The following DLGAP1 variants were observed in gnomAD, a reference collection of about 807,000 sequenced individuals.
DLGAP1 encodes DLG associated protein 1, also known as disks large-associated protein 1.
Under a neutral mutation model 90.8 loss-of-function variants are expected in DLGAP1, and 11 were observed. That is an observed-to-expected ratio of 0.12 (90% CI 0.08 to 0.20). The LOEUF is 0.20. Ranked by LOEUF, DLGAP1 falls within the 10% of genes least tolerant of loss-of-function variation. DLGAP1 has a pLI of 1.00. For synonymous variants in DLGAP1, 558 were observed against 540.7 expected (o/e 1.03, Z -0.44); for missense variants, 1,050 against 1,333.8 (o/e 0.79, Z 3.31).
intron 4 of DLGAP1, among the ~76,000 whole-genome samples, chr18:3,862,120 C>A (rs2148744171): frequency 6.6e-6 from 1 of 152,310 alleles, no homozygotes; most frequent in East Asian, 1.9e-4. Context: ...ATGGACACTC[C>A]AAGGGCCTTT....
intron 5 of DLGAP1, among the ~76,000 whole-genome samples, chr18:3,784,002 G>C (rs1478602535): frequency 6.6e-6 from 1 of 152,100 alleles, no homozygotes. Context: ...CTGGCCCCTG[G>C]CTGGTGGGCT....
chr18:4,250,829 C>A (rs1292440990), intron 1 of DLGAP1, among the ~76,000 whole-genome samples: 1 of 151,786 alleles, frequency 6.6e-6, no homozygotes, highest in African/African-American at 2.4e-5. Flanking sequence ...CAAAAGCAGA[C>A]CTACATGAAG....
chr18:3,601,378 G>T (rs2057014549), intron 7 of DLGAP1, among the ~76,000 whole-genome samples: 1 of 151,920 alleles, frequency 6.6e-6, no homozygotes, highest in Non-Finnish European at 1.5e-5. Flanking sequence ...GAGCCACTGC[G>T]CCTGGCCCAG....
At chr18:3,867,638 G>A (rs1205321630) in intron 4 of DLGAP1, among the ~76,000 whole-genome samples, 1 of 152,166 alleles carries the variant, frequency 6.6e-6, no homozygotes, top group Non-Finnish European at 1.5e-5. Flanking sequence ...GACCATGGGT[G>A]GGGCCTCGTA....
chr18:3,942,336 T>C (rs1286490054), intron 3 of DLGAP1, among the ~76,000 whole-genome samples: 1 of 152,180 alleles, frequency 6.6e-6, no homozygotes, highest in Admixed American at 6.5e-5. Context: ...TCTAAGTTGT[T>C]GAAACTAAAA....
At chr18:3,615,877 T>C (rs886162517) in intron 7 of DLGAP1, among the ~76,000 whole-genome samples, 1 of 152,076 alleles carries the variant, frequency 6.6e-6, no homozygotes, top group Admixed American at 6.5e-5. Context: ...TTTGCAAACA[T>C]TTCTTCCCTC....
intron 4 of DLGAP1, among the ~76,000 whole-genome samples, chr18:3,851,349 G>A (rs2069330516): frequency 6.6e-6 from 1 of 152,166 alleles, no homozygotes. Flanking sequence ...CAGGCAGCCT[G>A]TGAAGTGATC....
intron 1 of DLGAP1, among the ~76,000 whole-genome samples, chr18:4,241,437 TATG>T (rs1403134773): frequency 6.6e-6 from 1 of 152,190 alleles, no homozygotes; most frequent in African/African-American, 2.4e-5. Flanking sequence ...TCCTGTCAGT[TATG>T]ATAATGAAAT....
At chr18:3,813,987 G>C in intron 5 of DLGAP1, 72 bp downstream of exon 5, 1 of 1,474,714 alleles carries the variant, frequency 6.8e-7, no homozygotes, top group Non-Finnish European at 9.5e-7. Flanking sequence ...TACTCTAGGA[G>C]ACACACCATC....
At chr18:4,411,354 A>G (rs2082773264) in intron 1 of DLGAP1, among the ~76,000 whole-genome samples, 1 of 152,190 alleles carries the variant, frequency 6.6e-6, no homozygotes, top group African/African-American at 2.4e-5. Context: ...TAATGGCAGA[A>G]AATACACTGG....
intron 2 of DLGAP1, among the ~76,000 whole-genome samples, chr18:4,150,493 C>A (rs983493959): frequency 6.6e-6 from 1 of 152,100 alleles, no homozygotes; most frequent in Admixed American, 6.5e-5. Flanking sequence ...CAGGTTCAAG[C>A]GATTCTCCTG....
chr18:3,726,846 G>A (rs2062201375), intron 7 of DLGAP1, among the ~76,000 whole-genome samples: 1 of 152,152 alleles, frequency 6.6e-6, no homozygotes, highest in Non-Finnish European at 1.5e-5. Context: ...AGAGTTGAAG[G>A]TGGAGGTGGC....
At chr18:3,781,909 G>T (rs1225050131) in intron 5 of DLGAP1, among the ~76,000 whole-genome samples, 1 of 152,044 alleles carries the variant, frequency 6.6e-6, no homozygotes, top group African/African-American at 2.4e-5. Flanking sequence ...TAGGTACAAG[G>T]TACACACCGC....
chr18:4,054,799 A>G (rs1178372772), intron 2 of DLGAP1, among the ~76,000 whole-genome samples: 2 of 152,186 alleles, frequency 1.3e-5, no homozygotes, highest in Non-Finnish European at 2.9e-5. Context: ...CTTTAATTAC[A>G]TATTACTCAC....
chr18:4,394,135 G>T (rs2082393429), intron 1 of DLGAP1, among the ~76,000 whole-genome samples: 1 of 151,938 alleles, frequency 6.6e-6, no homozygotes, highest in African/African-American at 2.4e-5. Flanking sequence ...AACATAATAA[G>T]GTGACAAGAA....
chr18:4,122,193 C>CT (rs1333369269), intron 2 of DLGAP1, among the ~76,000 whole-genome samples: 1 of 152,144 alleles, frequency 6.6e-6, no homozygotes, highest in African/African-American at 2.4e-5. Flanking sequence ...ACAACCTTTG[C>CT]TTTCAGTGTA....
chr18:4,084,338 T>C lies in DLGAP1; in HGVS notation c.-159+66842A>G, dbSNP rs1353723914. On this transcript the variant is annotated intron_variant, in intron 2 of 12. Coordinates refer to ENST00000315677, the MANE Select transcript of DLGAP1 (RefSeq NM_004746.4). This position sits in a 1 kb window ranked among gnomAD's most constrained non-coding sequence, Gnocchi z 4.0. ...AAAATGATTGTTTACCATAACTCAT[T>C]TAACAATCTTTCCATTGTTAAAAAT... Among the ~76,000 whole-genome samples, 3 of 152,226 alleles carry C rather than the reference T, an allele frequency of 2.0e-5. No individual in the cohort carries two copies. Among genetic ancestry groups the C allele is most frequent in the Admixed American group, 2.0e-4 (3 of 15,286 alleles).
chr18:3,501,563 C>T (rs1402088245), intron 12 of DLGAP1, among the ~76,000 whole-genome samples: 1 of 152,138 alleles, frequency 6.6e-6, no homozygotes, highest in East Asian at 1.9e-4. Context: ...ACCATTGACC[C>T]CAAGAACCCT....
rs557051918 is a variant in DLGAP1 at position 4,178,815 on chromosome 18, T to C, written c.-266-27528A>G. On this transcript the variant is annotated intron_variant, in intron 1 of 12. Transcript: ENST00000315677. ...AGTATATATTAAGGTCAATGTACTT[T>C]CATATTACATTTTAGAGTATGAACA... Among the ~76,000 whole-genome samples, 80 of 152,310 alleles carry C rather than the reference T, an allele frequency of 5.3e-4. No individual in the cohort carries two copies. In the South Asian group the frequency reaches 6.2e-3, roughly 12 times the overall value.
Sources: allele counts gnomAD v4.1 joint callset (sites outside exome capture counted in the v4.1 genomes callset), GRCh38; gene constraint gnomAD v4.1.1; non-coding constraint Gnocchi (gnomAD v3.1); transcripts MANE v1.5; gene names NCBI Gene and HGNC (gene_info 2026-07-23, HGNC 2026-07-21).